BLACAT1: variants seen among roughly 807,000 people sequenced by gnomAD.
BLACAT1 encodes bladder cancer associated transcript 1.
At position 205,450,368 on chromosome 1, in the gene BLACAT1, C is replaced by T. The variant is rs943066765; in HGVS notation, c.-37+5549G>A. On this transcript the variant is annotated intron_variant, in intron 1 of 1. Coordinates refer to ENST00000629624, the Ensembl canonical transcript of BLACAT1. The surrounding 1 kb of genome is among the most constrained non-coding windows in gnomAD (Gnocchi z 4.4). ...TCCTTTCTCTCCTTCCTTCCCCTGC[C>T]GCTCCCCTCCAGCTTTTTTATAGTT... 5.3e-5 allele frequency among the ~76,000 whole-genome samples: 8 copies of T among 151,212 alleles called. No homozygotes were observed. Among genetic ancestry groups the T allele is most frequent in the Non-Finnish European group, 1.0e-4 (7 of 67,740 alleles).
At chr1:205,440,441 G>T (rs1470104802) in exon 2 of BLACAT1, among the ~76,000 whole-genome samples, 1 of 152,218 alleles carries the variant, frequency 6.6e-6, no homozygotes, top group Non-Finnish European at 1.5e-5. Context: ...GGAATCCCAG[G>T]AGAGTCTCAC....
intron 1 of BLACAT1, among the ~76,000 whole-genome samples, chr1:205,446,617 T>C (rs559115338): frequency 4.5e-4 from 69 of 152,278 alleles, no homozygotes; most frequent in African/African-American, 1.6e-3. Context: ...CTAACCTGGC[T>C]TTCCAGTTAG....
At chr1:205,443,502 G>A (rs1461158532) in intron 1 of BLACAT1, among the ~76,000 whole-genome samples, 3 of 152,196 alleles carry the variant, frequency 2.0e-5, no homozygotes, top group Admixed American at 6.5e-5. Context: ...GAGGAAAGGA[G>A]AGCTAATGAA....
intron 1 of BLACAT1, among the ~76,000 whole-genome samples, chr1:205,443,826 C>T (rs373482753): frequency 4.6e-5 from 7 of 152,174 alleles, no homozygotes; most frequent in African/African-American, 1.7e-4. Flanking sequence ...GAATTCCAAC[C>T]CATTTCCGTA....
At chr1:205,440,513 C>G (rs1666274086) in exon 2 of BLACAT1, 1 of 152,306 alleles carries the variant, frequency 6.6e-6, no homozygotes, top group African/African-American at 2.4e-5. Context: ...CTAGAGCAGC[C>G]AGTTTCCCAT....
At chr1:205,451,161 ATCCCTTTCC>A (rs1018072813) in intron 1 of BLACAT1, among the ~76,000 whole-genome samples, 2 of 152,130 alleles carry the variant, frequency 1.3e-5, no homozygotes, top group African/African-American at 4.8e-5. Context: ...GTCCCCCAGG[ATCCCTTTCC>A]TCCCTTTCCT....
At chr1:205,439,186 G>A (rs572667525), downstream of BLACAT1, among the ~76,000 whole-genome samples, 2 of 152,198 alleles carry the variant, frequency 1.3e-5, no homozygotes, top group African/African-American at 4.8e-5. Context: ...CTATCCAAGA[G>A]GACAAAGAAC....
intron 1 of BLACAT1, among the ~76,000 whole-genome samples, chr1:205,444,816 A>G (rs963387887): frequency 2.0e-5 from 3 of 151,688 alleles, no homozygotes; most frequent in Admixed American, 6.6e-5. Flanking sequence ...TGCGCCCCCC[A>G]CGACCCATCC....
At chr1:205,440,970 C>T (rs956625934) in exon 2 of BLACAT1, 3 of 152,454 alleles carry the variant, frequency 2.0e-5, no homozygotes, top group African/African-American at 7.2e-5. Flanking sequence ...CCTTCTTCCT[C>T]TTCATTTTGC....
In BLACAT1 at chr1:205,448,975, C is replaced by T. The variant is rs1272127924; in HGVS notation, c.-37+6942G>A. Reference sequence around the variant, plus strand: ...GCTGGGCCAACCTACCCAGACCAGTCTGGGTGGTTACCGACAACACCCATT... The same window carrying T: ...GCTGGGCCAACCTACCCAGACCAGTTTGGGTGGTTACCGACAACACCCATT... On this transcript the variant is annotated intron_variant, in intron 1 of 1. Transcript: ENST00000629624. This position sits in a 1 kb window ranked among gnomAD's most constrained non-coding sequence, Gnocchi z 4.7. Among the ~76,000 whole-genome samples the T allele has an allele frequency of 1.3e-5, 2 of 152,118 alleles. No homozygotes were observed. Among genetic ancestry groups the T allele is most frequent in the Non-Finnish European group, 2.9e-5 (2 of 68,018 alleles).
intron 1 of BLACAT1, among the ~76,000 whole-genome samples, chr1:205,444,177 G>GA (rs1252099159): frequency 3.9e-5 from 6 of 152,154 alleles, no homozygotes; most frequent in Admixed American, 2.6e-4. Context: ...CTAAGGAATG[G>GA]AAAAACAGCC....
chr1:205,446,906 T>G (rs1296677384), intron 1 of BLACAT1, among the ~76,000 whole-genome samples: 1 of 152,224 alleles, frequency 6.6e-6, no homozygotes, highest in East Asian at 1.9e-4. Flanking sequence ...GATTTCTCTT[T>G]GCTTCTCCTA....
At chr1:205,440,862 C>T (rs1393824055) in exon 2 of BLACAT1, 2 of 152,300 alleles carry the variant, frequency 1.3e-5, no homozygotes, top group Non-Finnish European at 2.9e-5. Flanking sequence ...AAGCCCCAGC[C>T]AGAAGCAGGC....
exon 2 of BLACAT1, chr1:205,440,660 G>A (rs1272491234): frequency 6.6e-6 from 1 of 152,536 alleles, no homozygotes; most frequent in Non-Finnish European, 1.5e-5. Flanking sequence ...TGGAAGGCAT[G>A]CGGCAGGTCC....
At chr1:205,442,204 G>C (rs1666306503) in intron 1 of BLACAT1, among the ~76,000 whole-genome samples, 1 of 152,168 alleles carries the variant, frequency 6.6e-6, no homozygotes. Flanking sequence ...GAAGAACATG[G>C]GGGCAAGCAG....
chr1:205,454,925 G>A (rs935131469), intron 1 of BLACAT1, among the ~76,000 whole-genome samples: 6 of 152,166 alleles, frequency 3.9e-5, no homozygotes, highest in African/African-American at 1.4e-4. Flanking sequence ...TGTTAATGAG[G>A]GTTGAGGAAA....
intron 1 of BLACAT1, among the ~76,000 whole-genome samples, chr1:205,453,635 G>T (rs1344784710): frequency 1.3e-5 from 2 of 152,178 alleles, no homozygotes; most frequent in African/African-American, 4.8e-5. Flanking sequence ...AATGAAGATA[G>T]CAAGAGACCC....
chr1:205,449,221 G>A (rs1479443085), intron 1 of BLACAT1, among the ~76,000 whole-genome samples: 1 of 152,136 alleles, frequency 6.6e-6, no homozygotes, highest in South Asian at 2.1e-4. Flanking sequence ...GAGTTAAGGC[G>A]AACCAAGGTC....
In BLACAT1 at chr1:205,446,950, G is replaced by T. The variant is rs138436118; in HGVS notation, c.-36-5888C>A. On this transcript the variant is annotated intron_variant, in intron 1 of 1. Coordinates refer to ENST00000629624, the Ensembl canonical transcript of BLACAT1. The stretch of plus-strand genomic sequence containing the variant: ...ATCCCCCCGCTCCCCCCGACCTCCT[G>T]TGGGAAAAGGAAAACCAGTGATGGA... Among the ~76,000 whole-genome samples the T allele has an allele frequency of 6.9e-4, 105 of 152,330 alleles. 2 individuals carry two copies. The highest frequency in any genetic ancestry group is 1.3e-3 in the Non-Finnish European group (87 of 68,030).
Sources: allele counts gnomAD v4.1 joint callset (sites outside exome capture counted in the v4.1 genomes callset), GRCh38; gene constraint gnomAD v4.1.1; non-coding constraint Gnocchi (gnomAD v3.1); transcripts MANE v1.5; gene names NCBI Gene and HGNC (gene_info 2026-07-23, HGNC 2026-07-21).